PCDH15: variants seen among roughly 807,000 people sequenced by gnomAD.
PCDH15 encodes the protein protocadherin-15.
PCDH15 carries 129 observed loss-of-function variants against 178.5 expected under a neutral mutation model. The observed-to-expected ratio is 0.72, with a 90% CI of 0.63 to 0.84. PCDH15 has a LOEUF of 0.84. Among genes scored for constraint, PCDH15 ranks in the 40% least tolerant of loss-of-function variants. The probability of loss-of-function intolerance (pLI) is 0.00; values close to 1 mark genes in which losing one functional copy is unlikely to be tolerated. For synonymous variants in PCDH15, 800 were observed against 732.0 expected, an observed-to-expected ratio of 1.09 and a Z score of -1.50; for missense variants, 2,230 against 2,099.9, an observed-to-expected ratio of 1.06 and a Z score of -1.21.
At chr10:54,132,431 T>C (rs2042513792) in intron 15 of PCDH15, among the ~76,000 whole-genome samples, 1 of 152,178 alleles carries the variant, frequency 6.6e-6, no homozygotes, top group Non-Finnish European at 1.5e-5. Context: ...GAAGTGGGGT[T>C]TGTCTCAGAA....
chr10:54,254,449 G>A (rs895459554), intron 8 of PCDH15, among the ~76,000 whole-genome samples: 10 of 152,130 alleles, frequency 6.6e-5, no homozygotes, highest in Non-Finnish European at 1.0e-4. Context: ...GTGGGATTAT[G>A]TCTGCCTCAC....
At chr10:54,884,828 ATTGAG>A (rs1384529447) in intron 3 of PCDH15, among the ~76,000 whole-genome samples, 5 of 152,064 alleles carry the variant, frequency 3.3e-5, no homozygotes, top group African/African-American at 9.6e-5. Context: ...TTGCATTTCA[ATTGAG>A]TTATTTTACT....
chr10:54,294,026 TA>T (rs1467746926), intron 8 of PCDH15, among the ~76,000 whole-genome samples: 1 of 152,220 alleles, frequency 6.6e-6, no homozygotes, highest in East Asian at 1.9e-4. Flanking sequence ...CACGTATGTT[TA>T]TTGCAGCACT....
intron 2 of PCDH15, among the ~76,000 whole-genome samples, chr10:55,565,616 AAAG>A (rs2132103835): frequency 6.6e-6 from 1 of 151,764 alleles, no homozygotes; most frequent in South Asian, 2.1e-4. Context: ...ACTAAGAGAA[AAAG>A]AAGACTCAAA....
intron 5 of PCDH15, among the ~76,000 whole-genome samples, chr10:54,348,680 T>C (rs1305305529): frequency 1.3e-5 from 2 of 152,194 alleles, no homozygotes; most frequent in African/African-American, 4.8e-5. Flanking sequence ...ACATATCTAT[T>C]ATATACTTTT....
chr10:55,350,608 T>G (rs1844899190), intron 2 of PCDH15, among the ~76,000 whole-genome samples: 1 of 151,922 alleles, frequency 6.6e-6, no homozygotes, highest in Non-Finnish European at 1.5e-5. Context: ...AATTGAGCAT[T>G]CTGTTCATCG....
At chr10:54,105,411 C>T (rs574890551) in intron 15 of PCDH15, among the ~76,000 whole-genome samples, 10 of 150,806 alleles carry the variant, frequency 6.6e-5, no homozygotes, top group Non-Finnish European at 1.3e-4. Context: ...TTAACTCACA[C>T]AATCATGAGG....
At chr10:55,235,906 C>CAAAAAAAA (rs144784085) in intron 1 of PCDH15, among the ~76,000 whole-genome samples, 1 of 115,636 alleles carries the variant, frequency 8.6e-6, no homozygotes, top group African/African-American at 3.2e-5. Flanking sequence ...GACTCCATGT[C>CAAAAAAAA]AAAAAAAAAA....
intron 1 of PCDH15, among the ~76,000 whole-genome samples, chr10:54,747,930 A>G (rs984100812): frequency 6.6e-6 from 1 of 150,558 alleles, no homozygotes; most frequent in Admixed American, 6.6e-5. Context: ...CTCAGCCTCC[A>G]GAGTAGCTGG....
At chr10:53,891,917 C>G (rs2081581159) in intron 26 of PCDH15, among the ~76,000 whole-genome samples, 1 of 151,344 alleles carries the variant, frequency 6.6e-6, no homozygotes. Context: ...TGCAGTGAGC[C>G]GAGATCATGC....
chr10:54,177,998 T>C (rs2047610614), intron 13 of PCDH15, among the ~76,000 whole-genome samples: 1 of 152,034 alleles, frequency 6.6e-6, no homozygotes, highest in African/African-American at 2.4e-5. Flanking sequence ...GAGGTGATGA[T>C]TGAAAACTTG....
chr10:54,150,365 A>G (rs1040995036), intron 14 of PCDH15, among the ~76,000 whole-genome samples: 2 of 152,016 alleles, frequency 1.3e-5, no homozygotes, highest in African/African-American at 2.4e-5. Flanking sequence ...CAGTCCATCA[A>G]GTTTCCTACA....
At chr10:54,361,843 G>A (rs1203882848) in intron 5 of PCDH15, among the ~76,000 whole-genome samples, 1 of 152,042 alleles carries the variant, frequency 6.6e-6, no homozygotes, top group Non-Finnish European at 1.5e-5. Flanking sequence ...TTTTCTCTAT[G>A]TACTCAAGCC....
At chr10:55,233,781 A>C (rs1841296390) in intron 1 of PCDH15, among the ~76,000 whole-genome samples, 1 of 152,136 alleles carries the variant, frequency 6.6e-6, no homozygotes, top group Non-Finnish European at 1.5e-5. Flanking sequence ...AGATAAAAGC[A>C]ACATAATTAT....
chr10:54,247,228 A>G (rs1044521776), intron 8 of PCDH15, among the ~76,000 whole-genome samples: 1 of 151,850 alleles, frequency 6.6e-6, no homozygotes, highest in African/African-American at 2.4e-5. Flanking sequence ...ATAGACAATA[A>G]TTTTCCTTAT....
At chr10:55,626,471 C>G (rs1331529502) in intron 2 of PCDH15, among the ~76,000 whole-genome samples, 2 of 152,178 alleles carry the variant, frequency 1.3e-5, no homozygotes, top group African/African-American at 4.8e-5. Context: ...GATCTGAATA[C>G]TAACGGGTTC....
chr10:54,621,045 G>T (rs535747284), intron 2 of PCDH15, among the ~76,000 whole-genome samples: 1 of 152,010 alleles, frequency 6.6e-6, no homozygotes, highest in South Asian at 2.1e-4. Flanking sequence ...TGTTCCCTAA[G>T]GTACTGTGTA....
At chr10:55,383,067 C>T (rs1837575419) in intron 2 of PCDH15, among the ~76,000 whole-genome samples, 1 of 152,062 alleles carries the variant, frequency 6.6e-6, no homozygotes, top group African/African-American at 2.4e-5. Flanking sequence ...ATAATCAGGT[C>T]ACATTCAGGT....
At chr10:55,479,746 T>A (rs1203520249) in intron 2 of PCDH15, among the ~76,000 whole-genome samples, 1 of 151,602 alleles carries the variant, frequency 6.6e-6, no homozygotes, top group East Asian at 1.9e-4. Flanking sequence ...GATCTTTATA[T>A]GTATAGAATA....
Sources: allele counts gnomAD v4.1 joint callset (sites outside exome capture counted in the v4.1 genomes callset), GRCh38; gene constraint gnomAD v4.1.1; transcripts MANE v1.5; gene names NCBI Gene and HGNC (gene_info 2026-07-23, HGNC 2026-07-21).